DDX3X: variants seen among roughly 807,000 people sequenced by gnomAD.
DDX3X encodes the protein DEAD-box helicase 3 X-linked, also known as ATP-dependent RNA helicase DDX3X.
In DDX3X, 4 loss-of-function variants were observed where a neutral mutation model predicts 52.7. The ratio of observed to expected loss-of-function variants is 0.08; its 90% CI spans 0.04 to 0.17. The LOEUF is 0.17. Ranked by LOEUF, DDX3X falls within the 10% of genes least tolerant of loss-of-function variation. DDX3X has a pLI of 1.00. For missense variants in DDX3X, 222 were observed against 548.6 expected, an observed-to-expected ratio of 0.40 and a Z score of 5.95; for synonymous variants, 192 against 178.1, an observed-to-expected ratio of 1.08 and a Z score of -0.62.
Position 41,337,403 on chromosome X carries a change from T to C in DDX3X, c.46-5T>C. 3 of 1,207,623 alleles carry C rather than the reference T, an allele frequency of 2.5e-6. No individual in the cohort carries two copies. Among genetic ancestry groups the C allele is most frequent in the Non-Finnish European group, 3.4e-6 (3 of 892,298 alleles). On this transcript the variant is annotated splice_polypyrimidine_tract_variant and splice_region_variant and intron_variant, in intron 1 of 16. Transcript: ENST00000644876. ...TGGGGTGCTAACCATCTCACTCTCT[T>C]CTAGTTTGCTGGCCTAGACCTGAAC...
chrX:41,341,846 C>G (rs963158692), intron 4 of DDX3X: 2 of 326,042 alleles, frequency 6.1e-6, no homozygotes, highest in Non-Finnish European at 1.1e-5. Context: ...TTTATATGTT[C>G]TACTTAAAAG....
At position 41,344,244 on chromosome X, in the gene DDX3X, A is replaced by G. The variant is rs776493154; in HGVS notation, c.870A>G (p.Ser290=). Residue 290 remains serine, a synonymous_variant, in exon 10 of 17, where the codon TCA becomes TCG. Transcript: ENST00000644876. ...VQIYEEARKF[S]YRSRVRPCVV... ...AACATTTTTTTTGCTTATAGTTTTCATACCGATCTAGAGTTCGTCCTTGCG... is the reference window on the plus strand; with the variant it reads ...AACATTTTTTTTGCTTATAGTTTTCGTACCGATCTAGAGTTCGTCCTTGCG... 8.3e-6 allele frequency: 10 copies of G among 1,207,914 alleles called. No homozygotes were observed. Among genetic ancestry groups the G allele is most frequent in the Non-Finnish European group, 1.1e-5 (10 of 894,565 alleles).
chrX:41,347,123 A>T, intron 15 of DDX3X, 111 bp downstream of exon 15: 1 of 974,511 alleles, frequency 1.0e-6, no homozygotes. Flanking sequence ...TAAAAAGCTT[A>T]ATCATCTTAG....
intron 8 of DDX3X, 100 bp from the exon 9 acceptor site, chrX:41,343,930 G>C: frequency 1.0e-6 from 1 of 997,831 alleles, no homozygotes; most frequent in Non-Finnish European, 1.4e-6. Context: ...CAGTTTTCAA[G>C]TGTAATCTGT....
chrX:41,364,333 C>T (rs986169048), exon 6 of DDX3X: 43 of 295,584 alleles, frequency 1.5e-4, no homozygotes, highest in African/African-American at 9.9e-4. Flanking sequence ...AGATGAGAAC[C>T]GCATGCTGAG....
intron 3 of DDX3X, chrX:41,340,916 G>A (rs1265116542): frequency 6.9e-6 from 2 of 288,547 alleles, no homozygotes; most frequent in Non-Finnish European, 1.2e-5. Context: ...CAAAGCTGTT[G>A]ACCACTTAGA....
intron 5 of DDX3X, among the ~76,000 whole-genome samples, chrX:41,358,883 C>T (rs1353314336): frequency 4.5e-5 from 5 of 111,623 alleles, no homozygotes; most frequent in Non-Finnish European, 9.4e-5. Context: ...CTCAGCCTCC[C>T]GAGTAGCTGG....
chrX:41,353,295 T>TAAAAAAAA (rs2063996251), downstream of DDX3X, among the ~76,000 whole-genome samples: 1 of 18,860 alleles, frequency 5.3e-5, no homozygotes, highest in Non-Finnish European at 1.0e-4. Context: ...CTACTAAAAA[T>TAAAAAAAA]ACAAAAAAAA....
chrX:41,341,828 TC>T, intron 4 of DDX3X: 1 of 354,185 alleles, frequency 2.8e-6, no homozygotes, highest in East Asian at 4.9e-5. Context: ...TTATTCTATT[TC>T]TCGAGTTTTA....
chrX:41,359,985 A>T (rs1457918914), intron 5 of DDX3X, among the ~76,000 whole-genome samples: 3 of 107,990 alleles, frequency 2.8e-5, no homozygotes, highest in East Asian at 2.9e-4. Flanking sequence ...CTGTCTCAAA[A>T]AATAATAATA....
At chrX:41,355,006 A>C (rs2064002868), downstream of DDX3X, among the ~76,000 whole-genome samples, 1 of 110,618 alleles carries the variant, frequency 9.0e-6, no homozygotes, top group African/African-American at 3.3e-5. Context: ...TTTTTAGTAG[A>C]GGCGGGGTTT....
At chrX:41,338,120 GTTAT>G (rs1213832694) in intron 2 of DDX3X, 1 of 110,314 alleles carries the variant, frequency 9.1e-6, no homozygotes, top group African/African-American at 3.3e-5. Context: ...TCTAAGGGGG[GTTAT>G]TTAGAGACTT....
intron 5 of DDX3X, among the ~76,000 whole-genome samples, chrX:41,356,454 CT>C (rs760583439): frequency 9.7e-4 from 64 of 65,650 alleles, no homozygotes; most frequent in African/African-American, 2.6e-3. Flanking sequence ...GCCAGTATTT[CT>C]TTTTTTTTTT....
intron 10 of DDX3X, 128 bp from the exon 11 acceptor site, chrX:41,345,052 C>T: frequency 9.2e-6 from 6 of 655,073 alleles, no homozygotes; most frequent in Non-Finnish European, 1.4e-5. Context: ...GAGGCACCAT[C>T]TTAATGAATA....
At chrX:41,334,401 C>T in intron 1 of DDX3X, 104 bp downstream of exon 1, 2 of 1,137,548 alleles carry the variant, frequency 1.8e-6, no homozygotes, top group Non-Finnish European at 2.3e-6. Context: ...TTTTCATTTT[C>T]TGGGTGCCCC....
downstream of DDX3X, chrX:41,351,295 G>T (rs1394741893): frequency 8.9e-6 from 1 of 111,806 alleles, no homozygotes; most frequent in Non-Finnish European, 1.9e-5. Context: ...CATAAATTTA[G>T]TATGTTTACA....
At position 41,345,172 on chromosome X, in the gene DDX3X, CAT is replaced by C. The variant is rs1351166844; in HGVS notation, c.1026-7_1026-6del. ...AACTCAGGCTTGTTTTTTTTCATGA[CAT>C]GACAGATACTTGGTGTTAGATGAAG... is the stretch of plus-strand genomic sequence containing the variant. On this transcript the variant is annotated splice_region_variant and splice_polypyrimidine_tract_variant and intron_variant, in intron 10 of 16. Coordinates refer to ENST00000644876, the MANE Select transcript of DDX3X (RefSeq NM_001356.5). 39 of 1,204,555 alleles carry C rather than the reference CAT, an allele frequency of 3.2e-5. No individual in the cohort carries two copies. Among genetic ancestry groups the C allele is most frequent in the Non-Finnish European group, 4.4e-5 (39 of 892,557 alleles).
rs1278249478 is a variant in DDX3X at position 41,334,241 on chromosome X, T to C, written c.-12T>C. ...GCAGCGGAAGACTCCGAGTTCTCGGTACTCTTCAGGGATGAGTCATGTGGC... is the reference window on the plus strand; with the variant it reads ...GCAGCGGAAGACTCCGAGTTCTCGGCACTCTTCAGGGATGAGTCATGTGGC... On this transcript the variant is annotated 5_prime_UTR_variant, in exon 1 of 17. Transcript: ENST00000644876. 2.5e-6 allele frequency: 3 copies of C among 1,206,025 alleles called. No homozygotes were observed. Among genetic ancestry groups the C allele is most frequent in the Non-Finnish European group, 3.4e-6 (3 of 891,871 alleles).
chrX:41,345,801 C>G (rs2063915764), intron 12 of DDX3X: 2 of 312,167 alleles, frequency 6.4e-6, no homozygotes, highest in African/African-American at 5.5e-5. Flanking sequence ...CAGCCCAGAA[C>G]TCCTAGACTT....
Sources: allele counts gnomAD v4.1 joint callset (sites outside exome capture counted in the v4.1 genomes callset), GRCh38; gene constraint gnomAD v4.1.1; transcripts MANE v1.5; gene names NCBI Gene and HGNC (gene_info 2026-07-23, HGNC 2026-07-21).